RELN: variants seen among roughly 807,000 people sequenced by gnomAD.
The protein encoded by RELN is reelin.
A neutral mutation model predicts 427.6 loss-of-function variants in RELN; 108 were observed. The ratio of observed to expected loss-of-function variants is 0.25; its 90% CI spans 0.22 to 0.30. RELN has a LOEUF of 0.30. Ranked by LOEUF, RELN falls within the 10% of genes least tolerant of loss-of-function variation. The probability of loss-of-function intolerance (pLI) is 1.00; values close to 1 mark genes in which losing one functional copy is unlikely to be tolerated. For missense variants in RELN, 3,715 were observed against 4,302.8 expected, an observed-to-expected ratio of 0.86 and a Z score of 3.82; for synonymous variants, 1,524 against 1,513.4, an observed-to-expected ratio of 1.01 and a Z score of -0.16.
In RELN at chr7:103,750,414, T is replaced by C. The variant is rs932503502; in HGVS notation, c.578-910A>G. 4.6e-5 allele frequency among the ~76,000 whole-genome samples: 7 copies of C among 152,318 alleles called. No individual in the cohort carries two copies. In the East Asian group the frequency reaches 1.4e-3, roughly 29 times the overall value. The stretch of plus-strand genomic sequence containing the variant: ...CTAAGGCCTTCCCAGCTATGCTGAA[T>C]TGTGGGTCAATTAAACCTCTTTCTT... On this transcript the variant is annotated intron_variant, in intron 5 of 64. Coordinates refer to ENST00000428762, the MANE Select transcript of RELN (RefSeq NM_005045.4).
chr7:103,554,304 C>T (rs147181565), intron 38 of RELN, among the ~76,000 whole-genome samples: 19 of 151,986 alleles, frequency 1.3e-4, no homozygotes, highest in East Asian at 3.9e-4. Flanking sequence ...TGGCCAGGCA[C>T]GGTGGCTCAC....
At chr7:103,483,877 A>G (rs780691153) in intron 61 of RELN, 27 bp from the exon 62 acceptor site, 8 of 1,600,164 alleles carry the variant, frequency 5.0e-6, no homozygotes, top group Non-Finnish European at 6.8e-6. Flanking sequence ...AATCATCTTT[A>G]TTTTTATTTA....
chr7:103,899,279 C>T (rs1189732139), intron 2 of RELN, among the ~76,000 whole-genome samples: 1 of 152,042 alleles, frequency 6.6e-6, no homozygotes, highest in Non-Finnish European at 1.5e-5. Context: ...CAAACAAGTT[C>T]TGAAATTGAG....
intron 15 of RELN, 39 bp downstream of exon 15, chr7:103,651,622 G>A (rs764852156): frequency 6.3e-5 from 100 of 1,594,432 alleles, no homozygotes; most frequent in South Asian, 1.5e-4. Context: ...CTGCAACATG[G>A]ATTCAAGTAT....
At chr7:103,650,988 A>T (rs1013029241) in intron 15 of RELN, among the ~76,000 whole-genome samples, 3 of 152,102 alleles carry the variant, frequency 2.0e-5, no homozygotes, top group Non-Finnish European at 2.9e-5. Flanking sequence ...TTTTTCCATC[A>T]GTGCTCAGAC....
At chr7:103,713,501 A>G (rs969913076) in intron 8 of RELN, among the ~76,000 whole-genome samples, 1 of 152,172 alleles carries the variant, frequency 6.6e-6, no homozygotes, top group African/African-American at 2.4e-5. Flanking sequence ...GCTTTTAAAA[A>G]GCTAGAAGCT....
chr7:103,657,844 C>T lies in RELN; in HGVS notation c.1441+3532G>A, dbSNP rs528991955. On this transcript the variant is annotated intron_variant, in intron 12 of 64. Coordinates refer to ENST00000428762, the MANE Select transcript of RELN (RefSeq NM_005045.4). ...AGGTGTGACTCAGAGGCATCTTGTA[C>T]AGAAATTAAGGTGCAGGAAGATTTC... Among the ~76,000 whole-genome samples, 4 of 152,180 alleles carry T rather than the reference C, an allele frequency of 2.6e-5. No homozygotes were observed. In the East Asian group the frequency reaches 5.8e-4, roughly 22 times the overall value.
intron 33 of RELN, 86 bp from the exon 34 acceptor site, chr7:103,565,637 G>T: frequency 7.5e-7 from 1 of 1,338,776 alleles, no homozygotes; most frequent in Admixed American, 1.9e-5. Flanking sequence ...ATCTTCAATA[G>T]CAAACAAAAA....
chr7:103,735,271 G>T (rs966626351), intron 6 of RELN, among the ~76,000 whole-genome samples: 10 of 151,958 alleles, frequency 6.6e-5, no homozygotes, highest in Non-Finnish European at 1.0e-4. Flanking sequence ...TATTATTCAG[G>T]TGGCTGTTTT....
intron 4 of RELN, among the ~76,000 whole-genome samples, chr7:103,773,416 T>C (rs1288661456): frequency 1.1e-5 from 1 of 92,802 alleles, no homozygotes; most frequent in African/African-American, 5.3e-5. Flanking sequence ...TCTCTCTCTC[T>C]CCCTCGCTCC....
chr7:103,519,008 C>G (rs996817662), intron 49 of RELN, among the ~76,000 whole-genome samples: 4 of 152,106 alleles, frequency 2.6e-5, no homozygotes, highest in African/African-American at 9.7e-5. Flanking sequence ...ATTTATTTTT[C>G]TGTTTCCATT....
chr7:103,590,562 C>CAATA (rs3056325), intron 27 of RELN, among the ~76,000 whole-genome samples: 6,677 of 35,822 alleles, frequency 0.19, 251 homozygotes, highest in African/African-American at 0.3. Context: ...TCCATCTCAA[C>CAATA]AATAAATAAA....
intron 4 of RELN, among the ~76,000 whole-genome samples, chr7:103,770,533 G>A (rs948600894): frequency 3.3e-5 from 5 of 152,072 alleles, no homozygotes; most frequent in South Asian, 4.1e-4. Flanking sequence ...GTGTTCTAGC[G>A]GTGTTTGGCT....
intron 28 of RELN, 135 bp downstream of exon 28, chr7:103,589,461 A>T (rs1831358338): frequency 1.4e-6 from 1 of 692,612 alleles, no homozygotes; most frequent in African/African-American, 1.8e-5. Context: ...GATATAAATA[A>T]ATGTTTTAAA....
chr7:103,890,231 G>T (rs553383508), intron 2 of RELN, among the ~76,000 whole-genome samples: 6 of 150,432 alleles, frequency 4.0e-5, no homozygotes, highest in African/African-American at 1.5e-4. Flanking sequence ...TTTCTTTCCA[G>T]TTAAGCAAGA....
intron 28 of RELN, among the ~76,000 whole-genome samples, chr7:103,587,157 C>T (rs1287418119): frequency 2.0e-5 from 3 of 152,124 alleles, no homozygotes; most frequent in Non-Finnish European, 4.4e-5. Flanking sequence ...AAGCAAAACA[C>T]CATGATACTG....
intron 22 of RELN, among the ~76,000 whole-genome samples, chr7:103,607,218 C>T (rs1220599710): frequency 6.6e-6 from 1 of 151,982 alleles, no homozygotes; most frequent in African/African-American, 2.4e-5. Flanking sequence ...ACGTTGTGCA[C>T]ATGTACCCTA....
At chr7:103,842,693 T>C (rs1793581300) in intron 2 of RELN, among the ~76,000 whole-genome samples, 1 of 152,210 alleles carries the variant, frequency 6.6e-6, no homozygotes, top group Non-Finnish European at 1.5e-5. Flanking sequence ...TGGTTTCAGA[T>C]TTAAGTTTAA....
chr7:103,943,365 T>C (rs1177375962), intron 1 of RELN, among the ~76,000 whole-genome samples: 1 of 152,152 alleles, frequency 6.6e-6, no homozygotes, highest in Non-Finnish European at 1.5e-5. Flanking sequence ...CATGTAAAGC[T>C]TTGTGCAGGA....
Sources: allele counts gnomAD v4.1 joint callset (sites outside exome capture counted in the v4.1 genomes callset), GRCh38; gene constraint gnomAD v4.1.1; transcripts MANE v1.5; gene names NCBI Gene and HGNC (gene_info 2026-07-23, HGNC 2026-07-21).